Variants in SYNPR observed in about 807,000 individuals in gnomAD.
SYNPR encodes the protein synaptoporin.
SYNPR carries 23 observed loss-of-function variants against 32.9 expected under a neutral mutation model. The observed-to-expected ratio is 0.70, with a 90% CI of 0.50 to 0.99. SYNPR has a LOEUF of 0.99. Among genes scored for constraint, SYNPR ranks in the 50% least tolerant of loss-of-function variants. The probability of loss-of-function intolerance (pLI) is 0.00; values close to 1 mark genes in which losing one functional copy is unlikely to be tolerated. For synonymous variants in SYNPR, 146 were observed against 135.9 expected, an observed-to-expected ratio of 1.07 and a Z score of -0.52; for missense variants, 318 against 349.3, an observed-to-expected ratio of 0.91 and a Z score of 0.71.
At chr3:63,298,765 G>C (rs2106938996) in intron 2 of SYNPR, among the ~76,000 whole-genome samples, 1 of 152,258 alleles carries the variant, frequency 6.6e-6, no homozygotes, top group African/African-American at 2.4e-5. Flanking sequence ...AGAGACATGA[G>C]ACAGGGAATG....
chr3:63,260,818 C>T (rs866502897), intron 2 of SYNPR, among the ~76,000 whole-genome samples: 16 of 151,752 alleles, frequency 1.1e-4, no homozygotes, highest in Middle Eastern at 3.4e-3. Context: ...TTGCAATCTA[C>T]TCATCTGACA....
intron 5 of SYNPR, among the ~76,000 whole-genome samples, chr3:63,612,840 A>G (rs917222021): frequency 6.6e-6 from 1 of 152,026 alleles, no homozygotes; most frequent in Non-Finnish European, 1.5e-5. Flanking sequence ...GGACAGAGCC[A>G]TGACTGAAAA....
At chr3:63,303,477 T>C (rs974662188) in intron 2 of SYNPR, among the ~76,000 whole-genome samples, 4 of 152,044 alleles carry the variant, frequency 2.6e-5, no homozygotes, top group Non-Finnish European at 2.9e-5. Flanking sequence ...TCAAATAGTA[T>C]GTGAACCATG....
chr3:63,526,597 T>G (rs1001927489), intron 3 of SYNPR, among the ~76,000 whole-genome samples: 17 of 152,202 alleles, frequency 1.1e-4, no homozygotes, highest in Non-Finnish European at 2.1e-4. Context: ...TTTCTGTTTA[T>G]AGTAGAGATA....
chr3:63,607,614 A>T (rs1024954579), intron 4 of SYNPR, among the ~76,000 whole-genome samples: 1 of 152,242 alleles, frequency 6.6e-6, no homozygotes, highest in Non-Finnish European at 1.5e-5. Context: ...TACCCATGCC[A>T]TCAAAACCCT....
At chr3:63,526,301 C>T (rs1204511365) in intron 3 of SYNPR, among the ~76,000 whole-genome samples, 1 of 152,172 alleles carries the variant, frequency 6.6e-6, no homozygotes, top group Non-Finnish European at 1.5e-5. Context: ...CTGGAGTTGC[C>T]TAAGTATTCT....
chr3:63,465,478 T>C (rs1247297035), intron 2 of SYNPR, among the ~76,000 whole-genome samples: 1 of 152,130 alleles, frequency 6.6e-6, no homozygotes, highest in Non-Finnish European at 1.5e-5. Flanking sequence ...TTGGATTTTG[T>C]CTATACATAT....
At chr3:63,356,094 C>G (rs530042111) in intron 2 of SYNPR, among the ~76,000 whole-genome samples, 2 of 152,318 alleles carry the variant, frequency 1.3e-5, no homozygotes, top group East Asian at 1.9e-4. Flanking sequence ...GTTGTTCATC[C>G]TAAGATGGCT....
At chr3:63,543,357 A>T (rs1210009805) in intron 3 of SYNPR, among the ~76,000 whole-genome samples, 5 of 152,134 alleles carry the variant, frequency 3.3e-5, no homozygotes, top group African/African-American at 1.2e-4. Flanking sequence ...TACTTGTAAG[A>T]CTTATTTGTA....
intron 2 of SYNPR, among the ~76,000 whole-genome samples, chr3:63,264,854 T>G (rs530625842): frequency 6.6e-6 from 1 of 152,154 alleles, no homozygotes; most frequent in African/African-American, 2.4e-5. Context: ...CAGACGCTTA[T>G]AAAACCGTCA....
intron 3 of SYNPR, among the ~76,000 whole-genome samples, chr3:63,505,685 T>C (rs1170578299): frequency 6.6e-6 from 1 of 152,222 alleles, no homozygotes; most frequent in African/African-American, 2.4e-5. Context: ...TACATTGCAA[T>C]GTGTTTATAT....
chr3:63,267,403 G>A (rs1046748015), exon 3 of SYNPR: 9 of 152,300 alleles, frequency 5.9e-5, no homozygotes, highest in African/African-American at 2.2e-4. Flanking sequence ...GAAGGAGTAA[G>A]TGAACCGTGA....
At chr3:63,475,086 G>A (rs923143499) in intron 2 of SYNPR, among the ~76,000 whole-genome samples, 3 of 152,188 alleles carry the variant, frequency 2.0e-5, no homozygotes, top group African/African-American at 4.8e-5. Context: ...CAAAGATATC[G>A]TTACTGCTAT....
At chr3:63,260,766 C>T (rs2106899723) in intron 2 of SYNPR, among the ~76,000 whole-genome samples, 1 of 151,768 alleles carries the variant, frequency 6.6e-6, no homozygotes, top group South Asian at 2.1e-4. Context: ...AAAGAAACTA[C>T]CATCAGAGTG....
intron 2 of SYNPR, among the ~76,000 whole-genome samples, chr3:63,360,678 G>T (rs1168674864): frequency 2.0e-5 from 3 of 151,974 alleles, no homozygotes; most frequent in Non-Finnish European, 4.4e-5. Flanking sequence ...TTAGGGTCTT[G>T]GTATTTTCTA....
chr3:63,537,445 T>A (rs568333359), intron 3 of SYNPR, among the ~76,000 whole-genome samples: 8 of 152,288 alleles, frequency 5.3e-5, no homozygotes, highest in South Asian at 2.1e-4. Flanking sequence ...CATACAGACA[T>A]CTTTATTCTG....
At chr3:63,258,520 G>C (rs138421626) in intron 2 of SYNPR, among the ~76,000 whole-genome samples, 2,284 of 152,122 alleles carry the variant, frequency 0.015, 57 homozygotes, top group African/African-American at 0.052. Context: ...TCTTTGAAAC[G>C]AATGAGAACA....
At chr3:63,518,223 T>A (rs373751720) in intron 3 of SYNPR, among the ~76,000 whole-genome samples, 127 of 152,238 alleles carry the variant, frequency 8.3e-4, no homozygotes, top group African/African-American at 2.9e-3. Context: ...GGAGGGGGGC[T>A]AAATGGAAAC....
intron 2 of SYNPR, among the ~76,000 whole-genome samples, chr3:63,332,658 T>C (rs2087242441): frequency 6.6e-6 from 1 of 152,170 alleles, no homozygotes; most frequent in Non-Finnish European, 1.5e-5. Flanking sequence ...TCATTTGGTC[T>C]TAAGCACAAC....
Sources: allele counts gnomAD v4.1 joint callset (sites outside exome capture counted in the v4.1 genomes callset), GRCh38; gene constraint gnomAD v4.1.1; transcripts MANE v1.5; gene names NCBI Gene and HGNC (gene_info 2026-07-23, HGNC 2026-07-21).